WAC: variants seen among roughly 807,000 people sequenced by gnomAD.
WAC encodes the protein WW domain-containing adapter protein with coiled-coil.
A neutral mutation model predicts 79.6 loss-of-function variants in WAC; 11 were observed. That is an observed-to-expected ratio of 0.14 (90% confidence interval 0.09 to 0.23). The LOEUF is 0.23. WAC is among the 10% of genes least tolerant of loss of function. The pLI is 1.00. For missense variants in WAC, 728 were observed against 773.5 expected (o/e 0.94, Z 0.70); for synonymous variants, 304 against 276.9 (o/e 1.10, Z -0.97).
intron 10 of WAC, 99 bp downstream of exon 10, chr10:28,612,021 A>T: frequency 1.4e-6 from 2 of 1,426,604 alleles, no homozygotes; most frequent in Non-Finnish European, 1.9e-6. Context: ...TCTGAGAATG[A>T]GGTGTAGTGG....
intron 3 of WAC, among the ~76,000 whole-genome samples, chr10:28,561,736 A>G (rs985835506): frequency 2.0e-5 from 3 of 152,170 alleles, no homozygotes; most frequent in Non-Finnish European, 4.4e-5. Context: ...GCGGCAGTTG[A>G]GCAAGCATTG....
intron 3 of WAC, among the ~76,000 whole-genome samples, chr10:28,563,577 G>GT (rs1191539176): frequency 2.0e-5 from 3 of 151,646 alleles, no homozygotes; most frequent in South Asian, 4.2e-4. Context: ...GGGTTTGTTT[G>GT]TTTTTTGTTT....
In WAC at chr10:28,614,589, A is replaced by C. The variant is rs140693511; in HGVS notation, c.1460A>C (p.Gln487Pro). The C allele has an allele frequency of 1.9e-5, 31 of 1,614,074 alleles. No individual in the cohort carries two copies. In the African/African-American group the frequency reaches 4.1e-4, roughly 22 times the overall value. The change falls in exon 11 of 14, where the codon CAA (glutamine) becomes CCA (proline). Residue 487 changes from glutamine to proline, a missense_variant. By Grantham distance (76) the Gln-to-Pro change is moderately conservative. Around this residue, in one of 3 missense-constraint regions of WAC, gnomAD observed 648 missense variants for 661.5 expected, o/e 0.98. Coordinates refer to ENST00000354911, the MANE Select transcript of WAC (RefSeq NM_016628.5). ...CAGGTTAGTACTCCAGTAGTTAAGC[A>C]AGGACCAGTGTCACAGTCAGCCACA... ...QPKVSTPVVK[Q>P]GPVSQSATQQ... is the part of the protein sequence containing the mutation.
chr10:28,614,786 C>G, intron 11 of WAC, 101 bp downstream of exon 11: 1 of 978,194 alleles, frequency 1.0e-6, no homozygotes, highest in Non-Finnish European at 1.5e-6. Context: ...AACCTTTAAA[C>G]TCCATGAATA....
At chr10:28,603,856 C>G (rs1443639819) in intron 7 of WAC, among the ~76,000 whole-genome samples, 1 of 149,200 alleles carries the variant, frequency 6.7e-6, no homozygotes, top group East Asian at 2.0e-4. Context: ...ATGGCGTGAA[C>G]CCGGGAGGCA....
rs763226630 is a variant in WAC, at chr10:28,533,531, C to G, written c.-49C>G. 3.9e-5 allele frequency: 48 copies of G among 1,229,148 alleles called. No homozygotes were observed. The Admixed American group carries it at 4.8e-4, about 12-fold the overall frequency. The allele number at this position is 1,229,148 out of a possible 1,614,324, so 76.1% of individuals were successfully genotyped here. ...GCCGCCTGCGCGCCCGCCCGCCTTT[C>G]GCGGCCGCTCTCCCCCCTCCCCGAC... On this transcript the variant is annotated 5_prime_UTR_variant, in exon 1 of 14. Transcript: ENST00000354911.
At chr10:28,533,969 T>C (rs377169140) in intron 1 of WAC, 29 bp from the exon 2 acceptor site, 20 of 1,605,544 alleles carry the variant, frequency 1.2e-5, no homozygotes, top group Middle Eastern at 3.6e-4. Context: ...CCGTGTCTTA[T>C]GTCGCTGCCT....
chr10:28,538,141 C>T, intron 3 of WAC: 1 of 155,874 alleles, frequency 6.4e-6, no homozygotes, highest in South Asian at 1.7e-4. Context: ...GTGATTTTTC[C>T]TCATTTTATA....
At chr10:28,610,515 T>C (rs992703582) in intron 8 of WAC, among the ~76,000 whole-genome samples, 184 bp from the exon 9 acceptor site, 1 of 151,564 alleles carries the variant, frequency 6.6e-6, no homozygotes. Flanking sequence ...AGTTTCTTTT[T>C]CTCTGCCTCA....
chr10:28,587,825 A>C (rs1839898405), intron 4 of WAC, among the ~76,000 whole-genome samples: 2 of 152,194 alleles, frequency 1.3e-5, no homozygotes, highest in South Asian at 4.1e-4. Flanking sequence ...AGGCAAAATC[A>C]ATGTAGTGTG....
intron 9 of WAC, chr10:28,611,419 G>A (rs1463359524): frequency 4.2e-5 from 55 of 1,309,836 alleles, no homozygotes; most frequent in Non-Finnish European, 5.1e-5. Flanking sequence ...CTAGCCTCAT[G>A]AGCAGGAGAC....
intron 3 of WAC, among the ~76,000 whole-genome samples, chr10:28,552,655 A>G (rs573319751): frequency 6.6e-6 from 1 of 152,284 alleles, no homozygotes; most frequent in South Asian, 2.1e-4. Context: ...TCTAATGTGT[A>G]TGAGGAATTT....
At chr10:28,552,023 C>T (rs1052185994) in intron 3 of WAC, among the ~76,000 whole-genome samples, 4 of 151,996 alleles carry the variant, frequency 2.6e-5, no homozygotes, top group Admixed American at 6.6e-5. Flanking sequence ...GACAGGGTTT[C>T]GCTGGTCTCA....
intron 7 of WAC, among the ~76,000 whole-genome samples, chr10:28,603,394 CAGTG>C (rs981465223): frequency 6.6e-6 from 1 of 152,116 alleles, no homozygotes; most frequent in African/African-American, 2.4e-5. Context: ...TGCATTGAAG[CAGTG>C]AGAGTAGGGC....
In WAC at chr10:28,552,565, G is replaced by A. The variant is rs1837739920; in HGVS notation, c.274+16808G>A. Among the ~76,000 whole-genome samples, 2 of 152,270 alleles carry A rather than the reference G, an allele frequency of 1.3e-5. 1 individual carries two copies. ...CTTTGGGTTTTTGAGAAAGCATCAT[G>A]TTAAGGAATTACACCAAATAAAATT... On this transcript the variant is annotated intron_variant, in intron 3 of 13. Coordinates refer to ENST00000354911, the MANE Select transcript of WAC (RefSeq NM_016628.5).
At chr10:28,544,287 C>A (rs1320061465) in intron 3 of WAC, among the ~76,000 whole-genome samples, 9 of 152,170 alleles carry the variant, frequency 5.9e-5, no homozygotes, top group African/African-American at 2.2e-4. Context: ...GACTGTCAGT[C>A]TTAGAGGACT....
intron 13 of WAC, among the ~76,000 whole-genome samples, chr10:28,618,830 C>G (rs192790901): frequency 2.8e-4 from 42 of 152,318 alleles, no homozygotes; most frequent in Admixed American, 2.2e-3. Context: ...TAATCTCTTA[C>G]ACCTGGTTAA....
At chr10:28,568,931 A>G (rs12164694) in intron 3 of WAC, among the ~76,000 whole-genome samples, 4,511 of 152,274 alleles carry the variant, frequency 0.03, 233 homozygotes, top group African/African-American at 0.1. Context: ...ATTAGAGAAC[A>G]TATATGTCCC....
Position 28,535,809 on chromosome 10 carries a change from A to G in WAC, c.274+52A>G, listed in dbSNP as rs370101013. 494 of 1,454,434 alleles carry G rather than the reference A, an allele frequency of 3.4e-4. No individual in the cohort carries two copies. Among genetic ancestry groups the G allele is most frequent in the Middle Eastern group, 3.3e-3 (18 of 5,488 alleles). 90.1% of individuals were successfully genotyped at this position (1,454,434 alleles called of 1,614,324 possible). On this transcript the variant is annotated intron_variant, in intron 3 of 13. Coordinates refer to ENST00000354911, the MANE Select transcript of WAC (RefSeq NM_016628.5). ...GACATACAGTTTTAACAATAGCTCTATATAAAAGGCGGCAGTAGTATTTCT... is the reference window on the plus strand; with the variant it reads ...GACATACAGTTTTAACAATAGCTCTGTATAAAAGGCGGCAGTAGTATTTCT...
Sources: gnomAD v4.1 joint callset for allele counts (sites outside exome capture counted in the v4.1 genomes callset) on GRCh38, gnomAD v4.1.1 for gene constraint, gnomAD v4.1.1 regional missense constraint, MANE v1.5 for transcripts, NCBI Gene and HGNC (gene_info 2026-07-23, HGNC 2026-07-21) for gene names.